KMT2E: variants seen among roughly 807,000 people sequenced by gnomAD.
KMT2E encodes the protein lysine methyltransferase 2E (inactive).
Under a neutral mutation model 184.6 loss-of-function variants are expected in KMT2E, and 30 were observed. The observed-to-expected ratio is 0.16, with a 90% CI of 0.12 to 0.22. The LOEUF is 0.22. KMT2E is among the 10% of genes least tolerant of loss of function. The probability of loss-of-function intolerance (pLI) is 1.00; values close to 1 mark genes in which losing one functional copy is unlikely to be tolerated. For synonymous variants in KMT2E, 815 were observed against 776.5 expected (o/e 1.05, Z -0.82); for missense variants, 2,023 against 2,237.4 (o/e 0.90, Z 1.93).
intron 6 of KMT2E, among the ~76,000 whole-genome samples, chr7:105,070,878 A>T (rs1797256262): frequency 6.6e-6 from 1 of 152,168 alleles, no homozygotes; most frequent in Non-Finnish European, 1.5e-5. Flanking sequence ...TTATGTAAGA[A>T]GTATTCTATC....
intron 6 of KMT2E, among the ~76,000 whole-genome samples, chr7:105,070,044 G>A (rs897830114): frequency 1.1e-4 from 16 of 152,200 alleles, no homozygotes; most frequent in African/African-American, 3.4e-4. Context: ...GTATTTCATG[G>A]TATATATGTA....
chr7:105,106,559 G>C lies in KMT2E; in HGVS notation c.2634G>C (p.Gln878His). 1 of 1,612,376 alleles carries C rather than the reference G, an allele frequency of 6.2e-7. No homozygotes were observed. The highest frequency in any genetic ancestry group is 8.5e-7 in the Non-Finnish European group (1 of 1,178,408). Residue 878 changes from glutamine (Q) to histidine (H), a missense_variant, in exon 20 of 27, where the codon CAG (glutamine) becomes CAC (histidine). Around this residue, in one of 8 missense-constraint regions of KMT2E, gnomAD observed 514 missense variants for 621.8 expected, o/e 0.83. Coordinates refer to ENST00000311117, the MANE Select transcript of KMT2E (RefSeq NM_182931.3). ...TTPLKKRRFYQLLDSVYSETS... is the reference protein window; with the variant it reads ...TTPLKKRRFYHLLDSVYSETS... The stretch of plus-strand genomic sequence containing the variant: ...CACTAAAAAAACGAAGATTTTATCA[G>C]TTGCTAGATTCGGTTTACTCAGAAA...
chr7:105,039,051 T>G (rs1016593314), intron 2 of KMT2E: 1 of 152,218 alleles, frequency 6.6e-6, no homozygotes, highest in Non-Finnish European at 1.5e-5. Flanking sequence ...GTAGTCGTTT[T>G]TAATGACACT....
rs764954131 is a variant in KMT2E at position 105,077,356 on chromosome 7, T to G, written c.1053T>G (p.Pro351=). 2 of 1,610,676 alleles carry G rather than the reference T, an allele frequency of 1.2e-6. No individual in the cohort carries two copies. The highest frequency in any genetic ancestry group is 1.7e-6 in the Non-Finnish European group (2 of 1,177,224). The part of the protein sequence containing the change: ...KILKSAKDLP[P]DALIIEYRGK... ...TTAAATCTGCAAAAGATTTGCCTCC[T>G]GATGCACTTATCATTGAATACAGAG... Residue 351 remains proline (P), a synonymous_variant, in exon 11 of 27, where the codon CCT becomes CCG. Transcript: ENST00000311117.
In KMT2E at chr7:105,105,498, C is replaced by T. The variant is rs773240562; in HGVS notation, c.2256C>T (p.Gly752=). Residue 752 remains glycine (G), a synonymous_variant, in exon 18 of 27, where the codon GGC becomes GGT. Coordinates refer to ENST00000311117, the MANE Select transcript of KMT2E (RefSeq NM_182931.3). ...AGAAGACAGGAAAACCTTCAGATGGCCTTTCAGAAAGGCCTCTACGCATAA... is the reference window on the plus strand; with the variant it reads ...AGAAGACAGGAAAACCTTCAGATGGTCTTTCAGAAAGGCCTCTACGCATAA... The part of the protein sequence containing the change: ...KNEKTGKPSD[G]LSERPLRITT... 6.2e-7 allele frequency: 1 copy of T among 1,611,672 alleles called. No individual in the cohort carries two copies. Among genetic ancestry groups the T allele is most frequent in the South Asian group, 1.1e-5 (1 of 90,236 alleles).
chr7:105,073,573 C>G (rs763880830), intron 6 of KMT2E, 46 bp from the exon 7 acceptor site: 8 of 1,181,128 alleles, frequency 6.8e-6, no homozygotes, highest in African/African-American at 3.0e-5. Flanking sequence ...TAAGACAGAT[C>G]TGCTTCATGT....
In KMT2E at chr7:105,031,767, T is replaced by TTAAA. The variant is rs1264926413; in HGVS notation, c.-188-6342_-188-6339dup. 9.0e-4 allele frequency among the ~76,000 whole-genome samples: 126 copies of TTAAA among 140,322 alleles called. 1 individual carries two copies. Among genetic ancestry groups the TTAAA allele is most frequent in the East Asian group, 2.6e-3 (12 of 4,606 alleles). The allele number at this position is 140,322 out of a possible 152,430, so 92.1% of individuals were successfully genotyped here. ...ACTGTCTCAAAAATAAATAAATAAA[T>TTAAA]TAAATAAATAAATAAATAAAGGCCA... On this transcript the variant is annotated intron_variant, in intron 1 of 26. Transcript: ENST00000311117.
chr7:105,089,205 T>A, intron 13 of KMT2E: 1 of 406,124 alleles, frequency 2.5e-6, no homozygotes, highest in Admixed American at 3.0e-5. Flanking sequence ...TAAACTTTTT[T>A]TGTTTTTTTT....
chr7:105,060,079 T>C (rs901210810), intron 3 of KMT2E, among the ~76,000 whole-genome samples: 4 of 131,402 alleles, frequency 3.0e-5, no homozygotes, highest in African/African-American at 1.1e-4. Context: ...CACTGCAACC[T>C]CTGCCACCTG....
At position 105,105,656 on chromosome 7, in the gene KMT2E, A is replaced by C. The variant is rs1029191525; in HGVS notation, c.2414A>C (p.Lys805Thr). ...TTCCTTTCAGAAAAAAGGAGAAGAA[A>C]AGAACCTACTGAAAACATTTCTGGT... ...SPFLSEKRRR[K>T]EPTENISGSC... Residue 805 changes from lysine to threonine, a missense_variant, in exon 18 of 27, where the codon AAA becomes ACA. Lys to Thr is a moderately conservative substitution (Grantham distance 78, BLOSUM62 -1). Around this residue, in one of 8 missense-constraint regions of KMT2E, gnomAD observed 514 missense variants for 621.8 expected, o/e 0.83. Coordinates refer to ENST00000311117, the MANE Select transcript of KMT2E (RefSeq NM_182931.3). 2.5e-6 allele frequency: 4 copies of C among 1,606,942 alleles called. No individual in the cohort carries two copies. The highest frequency in any genetic ancestry group is 3.4e-6 in the Non-Finnish European group (4 of 1,178,334).
At chr7:105,049,616 C>A (rs527625319) in intron 3 of KMT2E, among the ~76,000 whole-genome samples, 9 of 151,984 alleles carry the variant, frequency 5.9e-5, no homozygotes, top group African/African-American at 2.2e-4. Flanking sequence ...AATGGCCAGG[C>A]GCGGTGGCTC....
intron 26 of KMT2E, 106 bp from the exon 27 acceptor site, chr7:105,111,719 C>T: frequency 1.6e-6 from 2 of 1,280,040 alleles, no homozygotes; most frequent in East Asian, 2.5e-5. Flanking sequence ...TTATTTCCTG[C>T]CCCCCATTAA....
intron 3 of KMT2E, among the ~76,000 whole-genome samples, chr7:105,048,860 A>T (rs1796214012): frequency 6.6e-6 from 1 of 152,194 alleles, no homozygotes; most frequent in African/African-American, 2.4e-5. Context: ...TTTGCCTACC[A>T]CTTATTTAGA....
At chr7:105,089,201 T>G (rs1369455116) in intron 13 of KMT2E, 1 of 403,298 alleles carries the variant, frequency 2.5e-6, no homozygotes, top group East Asian at 9.3e-5. Flanking sequence ...ATCCTAAACT[T>G]TTTTTGTTTT....
chr7:105,087,305 A>G (rs565471779), intron 13 of KMT2E, among the ~76,000 whole-genome samples: 14 of 140,884 alleles, frequency 9.9e-5, no homozygotes, highest in African/African-American at 3.8e-4. Flanking sequence ...TATAATATAT[A>G]AATATAAATA....
chr7:105,084,629 G>GAAAA (rs35599947), intron 13 of KMT2E, among the ~76,000 whole-genome samples: 11 of 144,060 alleles, frequency 7.6e-5, no homozygotes, highest in African/African-American at 2.8e-4. Flanking sequence ...TCTGTCTCAA[G>GAAAA]AAAAAAAAAA....
intron 3 of KMT2E, among the ~76,000 whole-genome samples, chr7:105,050,559 GT>G (rs1406978950): frequency 6.6e-6 from 1 of 152,000 alleles, no homozygotes; most frequent in East Asian, 1.9e-4. Context: ...AATTCTTGAT[GT>G]TCTTCTGCCC....
At chr7:105,092,626 T>C (rs1798249996) in intron 15 of KMT2E, among the ~76,000 whole-genome samples, 1 of 152,202 alleles carries the variant, frequency 6.6e-6, no homozygotes, top group Admixed American at 6.5e-5. Context: ...GAAGAATTCT[T>C]GTACCTAAAG....
chr7:105,031,415 C>A (rs985187687), intron 1 of KMT2E, among the ~76,000 whole-genome samples: 1 of 151,306 alleles, frequency 6.6e-6, no homozygotes, highest in Non-Finnish European at 1.5e-5. Context: ...AAATAATTGC[C>A]AACTTCATTT....
Sources: gnomAD v4.1 joint callset for allele counts (sites outside exome capture counted in the v4.1 genomes callset) on GRCh38, gnomAD v4.1.1 for gene constraint, gnomAD v4.1.1 regional missense constraint, MANE v1.5 for transcripts, NCBI Gene and HGNC (gene_info 2026-07-23, HGNC 2026-07-21) for gene names.